The following TMEM132D variants were observed in gnomAD, a reference collection of about 807,000 sequenced individuals.
TMEM132D encodes transmembrane protein 132D, also known as mature OL transmembrane protein.
In TMEM132D, 21 loss-of-function variants were observed where a neutral mutation model predicts 62.3. The observed-to-expected ratio is 0.34, with a 90% CI of 0.24 to 0.49. The LOEUF is 0.49. Among genes scored for constraint, TMEM132D ranks in the 20% least tolerant of loss-of-function variants. The pLI is 0.99. For synonymous variants in TMEM132D, 621 were observed against 575.6 expected, an observed-to-expected ratio of 1.08 and a Z score of -1.13; for missense variants, 1,346 against 1,402.8, an observed-to-expected ratio of 0.96 and a Z score of 0.65.
intron 3 of TMEM132D, among the ~76,000 whole-genome samples, chr12:129,502,333 T>TGCTACCATC (rs1203213686): frequency 2.0e-5 from 3 of 152,178 alleles, no homozygotes; most frequent in African/African-American, 7.2e-5. Context: ...TCGCTACCAT[T>TGCTACCATC]GCTACCATCA....
chr12:129,708,631 ACACACACACAC>A lies in TMEM132D; in HGVS notation c.80-7944_80-7934del, dbSNP rs1428080731. Reference sequence around the variant, plus strand: ...CAGGTAAAAAAAAAAAAAAAAAAAAACACACACACACACACACACACACACAGTGCACTCAT... The same window carrying A: ...CAGGTAAAAAAAAAAAAAAAAAAAAAACACACACACACACAGTGCACTCAT... On this transcript the variant is annotated intron_variant, in intron 1 of 8. Coordinates refer to ENST00000422113, the MANE Select transcript of TMEM132D (RefSeq NM_133448.3). Among the ~76,000 whole-genome samples the A allele has an allele frequency of 7.8e-3, 554 of 70,932 alleles. 19 individuals carry two copies. Among genetic ancestry groups the A allele is most frequent in the East Asian group, 0.047 (79 of 1,674 alleles). The allele number at this position is 70,932 out of a possible 152,430, so 46.5% of individuals were successfully genotyped here.
intron 5 of TMEM132D, among the ~76,000 whole-genome samples, chr12:129,165,418 G>A (rs1877514923): frequency 6.6e-6 from 1 of 152,192 alleles, no homozygotes; most frequent in Non-Finnish European, 1.5e-5. Flanking sequence ...AGACAAACAA[G>A]TGTTTATATA....
intron 2 of TMEM132D, among the ~76,000 whole-genome samples, chr12:129,533,055 A>G (rs541774675): frequency 6.6e-6 from 1 of 152,316 alleles, no homozygotes; most frequent in African/African-American, 2.4e-5. Flanking sequence ...AGGAACCCCC[A>G]GGACACATAC....
intron 1 of TMEM132D, among the ~76,000 whole-genome samples, chr12:129,809,426 CG>C (rs1172116471): frequency 6.6e-6 from 1 of 151,900 alleles, no homozygotes; most frequent in Non-Finnish European, 1.5e-5. Context: ...ACACGGGAGC[CG>C]GGATGGACAC....
intron 3 of TMEM132D, among the ~76,000 whole-genome samples, chr12:129,479,608 T>C (rs1040258680): frequency 6.6e-6 from 1 of 152,186 alleles, no homozygotes; most frequent in African/African-American, 2.4e-5. Context: ...GAAAAGAACA[T>C]GATAAATAAG....
intron 2 of TMEM132D, among the ~76,000 whole-genome samples, chr12:129,581,332 C>T (rs1313172052): frequency 2.0e-5 from 3 of 152,058 alleles, no homozygotes; most frequent in South Asian, 2.1e-4. Context: ...TAGAGGGACA[C>T]GACTAATAGG....
At chr12:129,323,813 G>A (rs1042675881) in intron 4 of TMEM132D, among the ~76,000 whole-genome samples, 3 of 152,088 alleles carry the variant, frequency 2.0e-5, no homozygotes, top group Non-Finnish European at 2.9e-5. Flanking sequence ...GTCTAGCCAC[G>A]TGTGTTTCAT....
intron 5 of TMEM132D, among the ~76,000 whole-genome samples, chr12:129,126,894 T>G (rs1007955282): frequency 3.9e-5 from 6 of 152,212 alleles, no homozygotes; most frequent in Non-Finnish European, 7.3e-5. Context: ...GCTCTGACAC[T>G]GGCACGCTGA....
chr12:129,557,261 A>G (rs1258836874), intron 2 of TMEM132D, among the ~76,000 whole-genome samples: 1 of 152,230 alleles, frequency 6.6e-6, no homozygotes, highest in East Asian at 1.9e-4. Flanking sequence ...CAGTAAAAAT[A>G]TGCATATAGA....
chr12:129,286,806 G>A (rs574937359), intron 4 of TMEM132D, among the ~76,000 whole-genome samples: 4 of 152,246 alleles, frequency 2.6e-5, no homozygotes, highest in South Asian at 4.1e-4. Flanking sequence ...CCAGCATGTC[G>A]GGAGGCCAAG....
chr12:129,101,219 T>C (rs1565964096), intron 5 of TMEM132D, among the ~76,000 whole-genome samples: 1 of 152,220 alleles, frequency 6.6e-6, no homozygotes, highest in East Asian at 1.9e-4. Context: ...CCATGGCCCA[T>C]TGGTTCATCC....
At chr12:129,481,679 A>G (rs1874432886) in intron 3 of TMEM132D, among the ~76,000 whole-genome samples, 1 of 152,356 alleles carries the variant, frequency 6.6e-6, no homozygotes, top group African/African-American at 2.4e-5. Flanking sequence ...ATGAGCATCA[A>G]TTTAGGAAAT....
intron 3 of TMEM132D, among the ~76,000 whole-genome samples, chr12:129,433,962 C>T (rs561498578): frequency 5.9e-5 from 9 of 152,246 alleles, no homozygotes; most frequent in East Asian, 1.9e-4. Flanking sequence ...TGATATTTCT[C>T]GCACTGTTAA....
At chr12:129,451,819 C>T (rs771368521) in intron 3 of TMEM132D, among the ~76,000 whole-genome samples, 34 of 152,244 alleles carry the variant, frequency 2.2e-4, no homozygotes, top group Middle Eastern at 6.8e-3. Flanking sequence ...AGAAGCCTCA[C>T]CTAGAAAATT....
chr12:129,377,319 C>T (rs908820847), intron 3 of TMEM132D, among the ~76,000 whole-genome samples: 6 of 152,098 alleles, frequency 3.9e-5, no homozygotes, highest in Non-Finnish European at 7.3e-5. Context: ...TGGTGAAGCA[C>T]TCCCAGTGTG....
intron 4 of TMEM132D, among the ~76,000 whole-genome samples, chr12:129,304,353 C>A (rs1310497084): frequency 6.6e-6 from 1 of 152,086 alleles, no homozygotes; most frequent in Non-Finnish European, 1.5e-5. Context: ...CAATACCATG[C>A]AAAGGCCAGG....
chr12:129,361,448 C>A (rs988080056), intron 3 of TMEM132D, among the ~76,000 whole-genome samples: 4 of 152,186 alleles, frequency 2.6e-5, no homozygotes, highest in African/African-American at 9.7e-5. Context: ...TAGAGAGCAG[C>A]TTTCCCTGCA....
rs1045936183 is a variant in TMEM132D at position 129,277,879 on chromosome 12, G to A, written c.1299+59755C>T. Among the ~76,000 whole-genome samples the A allele has an allele frequency of 2.6e-5, 4 of 152,240 alleles. No individual in the cohort carries two copies. The highest frequency in any genetic ancestry group is 7.2e-5 in the African/African-American group (3 of 41,548). On this transcript the variant is annotated intron_variant, in intron 4 of 8. Coordinates refer to ENST00000422113, the MANE Select transcript of TMEM132D (RefSeq NM_133448.3). This position sits in a 1 kb window ranked among gnomAD's most constrained non-coding sequence, Gnocchi z 4.2. ...AGAACTCCCTGGTTCATCTCACGGC[G>A]TCTTTTAAAACTCCACTCTCTATAC...
intron 1 of TMEM132D, among the ~76,000 whole-genome samples, chr12:129,725,157 A>G (rs1319449076): frequency 1.3e-5 from 2 of 152,182 alleles, no homozygotes; most frequent in Non-Finnish European, 2.9e-5. Flanking sequence ...TTAGATATGC[A>G]TCATTGGCAA....
Sources: gnomAD v4.1 joint callset for allele counts (sites outside exome capture counted in the v4.1 genomes callset) on GRCh38, gnomAD v4.1.1 for gene constraint, Gnocchi (gnomAD v3.1) non-coding constraint, MANE v1.5 for transcripts, NCBI Gene and HGNC (gene_info 2026-07-23, HGNC 2026-07-21) for gene names.